The following DPP10 variants were observed in gnomAD, a reference collection of about 807,000 sequenced individuals.
The protein encoded by DPP10 is dipeptidyl peptidase like 10.
In DPP10, 33 loss-of-function variants were observed where a neutral mutation model predicts 120.9. The observed-to-expected ratio is 0.27, with a 90% CI of 0.21 to 0.37. The LOEUF (loss-of-function observed/expected upper bound fraction) is 0.37, where lower values mean the gene tolerates loss of function less well. Ranked by LOEUF, DPP10 falls within the 10% of genes least tolerant of loss-of-function variation. DPP10 has a pLI of 1.00. For synonymous variants in DPP10, 337 were observed against 326.1 expected (o/e 1.03, Z -0.36); for missense variants, 816 against 942.8 (o/e 0.87, Z 1.76).
rs534176109 is a variant in DPP10 at position 114,934,127 on chromosome 2, A to C, written c.61-375112A>C. On this transcript the variant is annotated intron_variant, in intron 1 of 25. Transcript: ENST00000410059. ...CTGGGTCTTCCTTGAGTCCACTACA[A>C]AGAAATAAATCAGTGACTCTTTTCT... 8.5e-4 allele frequency among the ~76,000 whole-genome samples: 129 copies of C among 152,274 alleles called. No homozygotes were observed. The Middle Eastern group carries it at 0.014, about 16-fold the overall frequency.
At chr2:115,220,664 A>G (rs1463270170) in intron 1 of DPP10, among the ~76,000 whole-genome samples, 2 of 152,244 alleles carry the variant, frequency 1.3e-5, no homozygotes, top group East Asian at 3.8e-4. Flanking sequence ...CAGACATGTC[A>G]CTTACACTTT....
chr2:114,787,714 C>T (rs780726802), intron 1 of DPP10, among the ~76,000 whole-genome samples: 13 of 152,168 alleles, frequency 8.5e-5, no homozygotes, highest in South Asian at 2.1e-4. Context: ...TCTCTTTCTG[C>T]CTACTTAGCA....
intron 7 of DPP10, among the ~76,000 whole-genome samples, chr2:115,716,429 G>A (rs925720071): frequency 2.0e-5 from 3 of 152,282 alleles, no homozygotes; most frequent in Non-Finnish European, 4.4e-5. Flanking sequence ...ACTGAAGTAC[G>A]AGGGATAGCC....
At chr2:115,668,213 G>C (rs1300579466) in intron 5 of DPP10, among the ~76,000 whole-genome samples, 6 of 152,032 alleles carry the variant, frequency 3.9e-5, no homozygotes, top group African/African-American at 1.4e-4. Flanking sequence ...GAGTGCTATG[G>C]TTTGAATGTT....
chr2:114,585,403 G>A (rs548515578), intron 1 of DPP10, among the ~76,000 whole-genome samples: 7 of 152,104 alleles, frequency 4.6e-5, no homozygotes, highest in Non-Finnish European at 1.0e-4. Context: ...AGACTTGAAG[G>A]GCTCATGTGA....
intron 1 of DPP10, among the ~76,000 whole-genome samples, chr2:114,574,737 C>T (rs1689926040): frequency 1.3e-5 from 2 of 152,168 alleles, no homozygotes; most frequent in African/African-American, 4.8e-5. Flanking sequence ...CTAGATTATA[C>T]AGCAAGCATT....
At chr2:115,009,323 C>G (rs1458927299) in intron 1 of DPP10, among the ~76,000 whole-genome samples, 13 of 150,678 alleles carry the variant, frequency 8.6e-5, no homozygotes, top group Non-Finnish European at 1.8e-4. Context: ...GTAAACTATC[C>G]CAAGAACAAA....
chr2:114,957,914 AG>A (rs1447005241), intron 1 of DPP10, among the ~76,000 whole-genome samples: 1 of 152,224 alleles, frequency 6.6e-6, no homozygotes, highest in Non-Finnish European at 1.5e-5. Flanking sequence ...AAACTCATAC[AG>A]GTAGAGAGAA....
At chr2:115,731,744 C>G (rs2092916262) in intron 8 of DPP10, among the ~76,000 whole-genome samples, 1 of 152,166 alleles carries the variant, frequency 6.6e-6, no homozygotes. Flanking sequence ...TGTCAGACTT[C>G]AGTGATCTGT....
chr2:115,585,422 C>G (rs17044753), intron 5 of DPP10, among the ~76,000 whole-genome samples: 31,861 of 152,072 alleles, frequency 0.21, 3,943 homozygotes, highest in East Asian at 0.39. Context: ...TTTATTTAGT[C>G]AATTTATCAA....
At position 114,722,188 on chromosome 2, in the gene DPP10, A is replaced by C. The variant is rs1574042257; in HGVS notation, c.60+279350A>C. 3.3e-5 allele frequency among the ~76,000 whole-genome samples: 5 copies of C among 152,204 alleles called. No homozygotes were observed. In the South Asian group the frequency reaches 8.3e-4, roughly 25 times the overall value. On this transcript the variant is annotated intron_variant, in intron 1 of 25. Transcript: ENST00000410059. ...CTGAATACGGAGAGGAGAAACCAAG[A>C]AGAAAATGTATAATTCTCTTCTAAA...
chr2:114,527,442 G>A (rs2104705500), intron 1 of DPP10, among the ~76,000 whole-genome samples: 1 of 152,092 alleles, frequency 6.6e-6, no homozygotes, highest in Non-Finnish European at 1.5e-5. Flanking sequence ...TGATTGGCCT[G>A]GTTTTCTTAG....
intron 1 of DPP10, among the ~76,000 whole-genome samples, chr2:114,821,376 A>G (rs1686075608): frequency 1.3e-5 from 2 of 152,316 alleles, no homozygotes; most frequent in African/African-American, 4.8e-5. Flanking sequence ...AATGGCTGGC[A>G]TTTGCACATC....
intron 1 of DPP10, among the ~76,000 whole-genome samples, chr2:115,085,349 T>C (rs938690450): frequency 6.6e-6 from 1 of 152,252 alleles, no homozygotes; most frequent in South Asian, 2.1e-4. Flanking sequence ...TGTACTCACA[T>C]CCATTCTAAT....
intron 1 of DPP10, among the ~76,000 whole-genome samples, chr2:115,061,196 T>C (rs1706369711): frequency 1.3e-5 from 2 of 152,332 alleles, no homozygotes; most frequent in Admixed American, 1.3e-4. Flanking sequence ...AGAGCAAAGA[T>C]AGAGATTCCC....
chr2:115,040,974 C>T (rs548071640), intron 1 of DPP10, among the ~76,000 whole-genome samples: 1 of 152,100 alleles, frequency 6.6e-6, no homozygotes, highest in South Asian at 2.1e-4. Context: ...CAAAAATTAG[C>T]CGGGCATTGT....
chr2:115,617,889 A>G (rs1328271100), intron 5 of DPP10, among the ~76,000 whole-genome samples: 1 of 152,192 alleles, frequency 6.6e-6, no homozygotes, highest in Non-Finnish European at 1.5e-5. Flanking sequence ...TAATAATAAA[A>G]TAGAACTATT....
chr2:115,694,832 T>C (rs1277787733), intron 7 of DPP10, among the ~76,000 whole-genome samples: 1 of 152,190 alleles, frequency 6.6e-6, no homozygotes, highest in Non-Finnish European at 1.5e-5. Context: ...CCCAGCCCCA[T>C]GGCAGGCAGC....
intron 19 of DPP10, among the ~76,000 whole-genome samples, chr2:115,805,777 G>A (rs183215380): frequency 1.0e-3 from 152 of 152,054 alleles, no homozygotes; most frequent in African/African-American, 3.6e-3. Flanking sequence ...CTTTTGCCAC[G>A]TTGGCCTGAC....
Sources: gnomAD v4.1 joint callset for allele counts (sites outside exome capture counted in the v4.1 genomes callset) on GRCh38, gnomAD v4.1.1 for gene constraint, MANE v1.5 for transcripts, NCBI Gene and HGNC (gene_info 2026-07-23, HGNC 2026-07-21) for gene names.